The following MICU1 variants were observed in gnomAD, a reference collection of about 807,000 sequenced individuals.
MICU1 encodes calcium uptake protein 1, mitochondrial.
In MICU1, 45 loss-of-function variants were observed where a neutral mutation model predicts 56.8. The observed-to-expected ratio is 0.79, with a 90% CI of 0.62 to 1.02. The LOEUF (loss-of-function observed/expected upper bound fraction) is 1.02. Ranked by LOEUF, MICU1 falls within the 50% of genes least tolerant of loss-of-function variation. The pLI is 0.00. For missense variants in MICU1, 504 were observed against 587.1 expected, an observed-to-expected ratio of 0.86 and a Z score of 1.46; for synonymous variants, 186 against 195.1, an observed-to-expected ratio of 0.95 and a Z score of 0.39.
In MICU1 at chr10:72,408,019, C is replaced by T. The variant is rs779614369; in HGVS notation, c.1090G>A (p.Val364Met). The change falls in exon 10 of 12, where the codon GTG becomes ATG. Residue 364 changes from valine (V) to methionine (M), a missense_variant. Val to Met is a conservative substitution (Grantham distance 21). Coordinates refer to ENST00000361114, the MANE Select transcript of MICU1 (RefSeq NM_001195518.2). ...TTTAGGAAAGTAAAGAAGTTCTCCA[C>T]CTCCTGAAATGTCAGACCCTGCAAG... is the stretch of plus-strand genomic sequence containing the variant. ...KEGKGLTFQE[V>M]ENFFTFLKNI... The T allele has an allele frequency of 5.0e-6, 8 of 1,613,346 alleles. No individual in the cohort carries two copies.
In MICU1 at chr10:72,434,030, A is replaced by C. The variant is rs193023709; in HGVS notation, c.934-10659T>G. 1.7e-4 allele frequency among the ~76,000 whole-genome samples: 26 copies of C among 152,160 alleles called. No individual in the cohort carries two copies. In the East Asian group the frequency reaches 4.8e-3, roughly 28 times the overall value. ...TCACATTCCCCTTGTGGAAGGAATA[A>C]TCTTGAGTAAATCCAGTTCACTTAA... On this transcript the variant is annotated intron_variant, in intron 8 of 11. Coordinates refer to ENST00000361114, the MANE Select transcript of MICU1 (RefSeq NM_001195518.2).
chr10:72,408,449 C>T (rs1170143323), intron 9 of MICU1, among the ~76,000 whole-genome samples: 5 of 152,122 alleles, frequency 3.3e-5, no homozygotes, highest in African/African-American at 1.2e-4. Context: ...GCTAGGATTA[C>T]AGGTGCACAC....
chr10:72,415,833 A>G (rs1234534701), intron 9 of MICU1, among the ~76,000 whole-genome samples: 1 of 152,200 alleles, frequency 6.6e-6, no homozygotes, highest in Non-Finnish European at 1.5e-5. Context: ...GATTAGTAAG[A>G]AGGCTATGGA....
intron 3 of MICU1, among the ~76,000 whole-genome samples, chr10:72,557,372 G>A (rs1840184907): frequency 6.6e-6 from 1 of 152,152 alleles, no homozygotes; most frequent in Admixed American, 6.6e-5. Context: ...GAAAAACCCT[G>A]TGGGGGCTTT....
chr10:72,587,929 G>A (rs1300751262), intron 1 of MICU1, among the ~76,000 whole-genome samples: 2 of 152,174 alleles, frequency 1.3e-5, no homozygotes, highest in Non-Finnish European at 1.5e-5. Flanking sequence ...TAGAGCGTGG[G>A]TCAATAAACT....
chr10:72,518,587 G>C (rs920431533), intron 5 of MICU1, among the ~76,000 whole-genome samples: 22 of 152,036 alleles, frequency 1.4e-4, no homozygotes, highest in Non-Finnish European at 2.8e-4. Flanking sequence ...TTTTAGTAAG[G>C]GTCTATGAGA....
chr10:72,412,987 G>A (rs1863871912), intron 9 of MICU1, among the ~76,000 whole-genome samples: 1 of 151,534 alleles, frequency 6.6e-6, no homozygotes. Context: ...ACTTGAGCCT[G>A]GAAGTTTGAG....
chr10:72,429,135 A>C (rs1344413610), intron 8 of MICU1, among the ~76,000 whole-genome samples: 3 of 152,214 alleles, frequency 2.0e-5, no homozygotes, highest in Non-Finnish European at 4.4e-5. Flanking sequence ...CATTCAATAA[A>C]TGGGCTGGGT....
At chr10:72,462,947 T>A (rs910788997) in intron 8 of MICU1, among the ~76,000 whole-genome samples, 6 of 152,174 alleles carry the variant, frequency 3.9e-5, no homozygotes, top group African/African-American at 1.4e-4. Flanking sequence ...AGATATCTGA[T>A]AACAGGAAAA....
chr10:72,493,173 A>G (rs889511454), intron 6 of MICU1, among the ~76,000 whole-genome samples: 50 of 152,256 alleles, frequency 3.3e-4, no homozygotes, highest in African/African-American at 9.9e-4. Context: ...AATAAGATGT[A>G]TATGTATGCA....
At position 72,499,011 on chromosome 10, in the gene MICU1, ATAT is replaced by A. The variant is rs373175203; in HGVS notation, c.652+9141_652+9143del. ...ATTAGAATTTTATTACATTATAAGA[ATAT>A]TATTATTTTCAAAACAATGAGGCTG... On this transcript the variant is annotated intron_variant, in intron 6 of 11. Coordinates refer to ENST00000361114, the MANE Select transcript of MICU1 (RefSeq NM_001195518.2). Among the ~76,000 whole-genome samples the A allele has an allele frequency of 1.9e-4, 29 of 152,310 alleles. No individual in the cohort carries two copies. The South Asian group carries it at 6.0e-3, about 32-fold the overall frequency.
At chr10:72,412,323 T>C (rs1255351771) in intron 9 of MICU1, among the ~76,000 whole-genome samples, 1 of 152,194 alleles carries the variant, frequency 6.6e-6, no homozygotes, top group African/African-American at 2.4e-5. Flanking sequence ...ACTGCAGACA[T>C]AATAATCAAA....
intron 6 of MICU1, among the ~76,000 whole-genome samples, chr10:72,493,620 T>C (rs1357866786): frequency 2.0e-5 from 3 of 151,940 alleles, no homozygotes; most frequent in Non-Finnish European, 4.4e-5. Context: ...GCCTGACTAA[T>C]TTGTGTATTT....
intron 6 of MICU1, among the ~76,000 whole-genome samples, chr10:72,491,089 A>T (rs1866639954): frequency 6.6e-6 from 1 of 152,206 alleles, no homozygotes; most frequent in Non-Finnish European, 1.5e-5. Context: ...ACCATAGAAC[A>T]AGAAGACCGA....
chr10:72,442,413 G>A (rs1333990896), intron 8 of MICU1, among the ~76,000 whole-genome samples: 1 of 152,120 alleles, frequency 6.6e-6, no homozygotes, highest in Non-Finnish European at 1.5e-5. Context: ...CAAAGTGCTA[G>A]GATTACAAGC....
At chr10:72,541,040 G>A (rs559254396) in intron 4 of MICU1, among the ~76,000 whole-genome samples, 34 of 152,320 alleles carry the variant, frequency 2.2e-4, no homozygotes, top group Non-Finnish European at 1.9e-4. Context: ...AGCACTTCAT[G>A]GGATCTGCAG....
intron 6 of MICU1, 112 bp downstream of exon 6, chr10:72,508,043 C>A: frequency 2.0e-6 from 1 of 508,862 alleles, no homozygotes; most frequent in East Asian, 3.5e-5. Flanking sequence ...ACTTATAATT[C>A]ATTATAATTC....
intron 3 of MICU1, among the ~76,000 whole-genome samples, chr10:72,561,196 C>T (rs574538342): frequency 1.3e-5 from 2 of 152,242 alleles, no homozygotes; most frequent in South Asian, 4.1e-4. Flanking sequence ...ACACAGATAG[C>T]TTTAATTTTT....
chr10:72,420,217 G>A (rs1022761239), intron 9 of MICU1, among the ~76,000 whole-genome samples: 8 of 151,976 alleles, frequency 5.3e-5, no homozygotes, highest in South Asian at 2.1e-4. Flanking sequence ...GCACCACCAC[G>A]CCGGGCTAAC....
Sources: allele counts gnomAD v4.1 joint callset (sites outside exome capture counted in the v4.1 genomes callset), GRCh38; gene constraint gnomAD v4.1.1; transcripts MANE v1.5; gene names NCBI Gene and HGNC (gene_info 2026-07-23, HGNC 2026-07-21).